The following MAPKAPK2 variants were observed in gnomAD, a reference collection of about 807,000 sequenced individuals.
MAPKAPK2 encodes MAP kinase-activated protein kinase 2.
In MAPKAPK2, 9 loss-of-function variants were observed where a neutral mutation model predicts 48.8. The observed-to-expected ratio is 0.18, with a 90% CI of 0.11 to 0.32. MAPKAPK2 has a LOEUF of 0.32. Ranked by LOEUF, MAPKAPK2 falls within the 10% of genes least tolerant of loss-of-function variation. The probability of loss-of-function intolerance (pLI) is 1.00; values close to 1 mark genes in which losing one functional copy is unlikely to be tolerated. For missense variants in MAPKAPK2, 331 were observed against 498.3 expected, an observed-to-expected ratio of 0.66 and a Z score of 3.20; for synonymous variants, 202 against 190.6, an observed-to-expected ratio of 1.06 and a Z score of -0.49.
intron 1 of MAPKAPK2, among the ~76,000 whole-genome samples, chr1:206,687,491 T>C (rs576269100): frequency 5.3e-5 from 8 of 152,334 alleles, no homozygotes; most frequent in Admixed American, 5.2e-4. Flanking sequence ...GACTCAACTG[T>C]TAAATTGTGG....
intron 1 of MAPKAPK2, among the ~76,000 whole-genome samples, chr1:206,709,380 G>C (rs1553429129): frequency 1.3e-5 from 2 of 152,190 alleles, no homozygotes; most frequent in African/African-American, 4.8e-5. Context: ...CCAGAACTGA[G>C]TTCTCGCTGC....
chr1:206,731,542 C>A lies in MAPKAPK2; in HGVS notation c.893-98C>A. On this transcript the variant is annotated intron_variant, in intron 7 of 9. Transcript: ENST00000367103. The surrounding 1 kb of genome is among the most constrained non-coding windows in gnomAD (Gnocchi z 5.9). ...GCTCCGGCAGCCTGCCTCCATGCAC[C>A]CCCTCTTTGAACCTGGTTTCCCCAT... 8.4e-7 allele frequency: 1 copy of A among 1,186,040 alleles called. No homozygotes were observed. The highest frequency in any genetic ancestry group is 1.7e-5 in the Admixed American group (1 of 58,770). 73.5% of individuals were successfully genotyped at this position (1,186,040 alleles called of 1,614,324 possible).
chr1:206,724,750 C>T (rs916221825), intron 1 of MAPKAPK2, among the ~76,000 whole-genome samples: 1 of 151,972 alleles, frequency 6.6e-6, no homozygotes, highest in Non-Finnish European at 1.5e-5. Context: ...GAAGAAGCAA[C>T]AGAATGAGGG....
rs533518933 is a variant in MAPKAPK2 at position 206,722,386 on chromosome 1, A to C, written c.280-6324A>C. On this transcript the variant is annotated intron_variant, in intron 1 of 9. Transcript: ENST00000367103. ...AAAACAAAAACAAAAACAAAAAAAA[A>C]CAAAGAAACAAAAGAAAACTTTTGA... Among the ~76,000 whole-genome samples the C allele has an allele frequency of 1.4e-4, 21 of 152,274 alleles. No homozygotes were observed. The East Asian group carries it at 1.5e-3, about 11-fold the overall frequency.
At chr1:206,728,490 T>C (rs529049216) in intron 1 of MAPKAPK2, among the ~76,000 whole-genome samples, 2 of 151,446 alleles carry the variant, frequency 1.3e-5, no homozygotes, top group African/African-American at 4.9e-5. Flanking sequence ...CTGATCTCAG[T>C]GTAGCTGTCA....
rs1439740921 is a variant in MAPKAPK2 at position 206,704,871 on chromosome 1, G to A, written c.279+19363G>A. On this transcript the variant is annotated intron_variant, in intron 1 of 9. Transcript: ENST00000367103. The surrounding 1 kb of genome is among the most constrained non-coding windows in gnomAD (Gnocchi z 4.3). ...GAGAGCTATGTTCAGGGAACTGGGT[G>A]AACTTGGAAGAAGGAGCCGCCCGTT... is the stretch of plus-strand genomic sequence containing the variant. Among the ~76,000 whole-genome samples the A allele has an allele frequency of 6.6e-6, 1 of 152,172 alleles. No individual in the cohort carries two copies. The highest frequency in any genetic ancestry group is 1.5e-5 in the Non-Finnish European group (1 of 68,032).
chr1:206,685,128 C>G lies in MAPKAPK2; in HGVS notation c.-102C>G, dbSNP rs1182790844. 9.3e-6 allele frequency: 2 copies of G among 215,386 alleles called. No homozygotes were observed. The highest frequency in any genetic ancestry group is 4.7e-5 in the African/African-American group (2 of 42,348). The allele number at this position is 215,386 out of a possible 1,614,324, so 13.3% of individuals were successfully genotyped here. On this transcript the variant is annotated 5_prime_UTR_variant, in exon 1 of 10. Transcript: ENST00000367103. ...CGGGGAAGCCGGCTCCAGCCCGGAGCGAACTTCGCAGCCCGTCGGGGGGCG... is the reference window on the plus strand; with the variant it reads ...CGGGGAAGCCGGCTCCAGCCCGGAGGGAACTTCGCAGCCCGTCGGGGGGCG...
chr1:206,728,689 A>C (rs1553432169), intron 1 of MAPKAPK2, 21 bp from the exon 2 acceptor site: 2 of 1,610,358 alleles, frequency 1.2e-6, no homozygotes. Flanking sequence ...GCAGTTACTC[A>C]GAAAGCTGTT....
At chr1:206,729,652 G>A (rs1390559201) in intron 4 of MAPKAPK2, among the ~76,000 whole-genome samples, 177 bp downstream of exon 4, 1 of 152,230 alleles carries the variant, frequency 6.6e-6, no homozygotes, top group Non-Finnish European at 1.5e-5. Flanking sequence ...CCTAAACCCA[G>A]TAGTGAAGCA....
intron 1 of MAPKAPK2, among the ~76,000 whole-genome samples, chr1:206,715,888 G>A (rs1553430292): frequency 6.6e-6 from 1 of 151,922 alleles, no homozygotes; most frequent in African/African-American, 2.4e-5. Flanking sequence ...TAGTCATCAA[G>A]CCATCCTCCT....
chr1:206,695,462 T>G (rs2102379226), intron 1 of MAPKAPK2, among the ~76,000 whole-genome samples: 1 of 151,324 alleles, frequency 6.6e-6, no homozygotes, highest in African/African-American at 2.5e-5. Flanking sequence ...TTTTTTTTTT[T>G]TTTTTGGAAC....
intron 1 of MAPKAPK2, among the ~76,000 whole-genome samples, chr1:206,692,926 AC>A (rs1672502880): frequency 6.6e-6 from 1 of 152,142 alleles, no homozygotes; most frequent in Admixed American, 6.5e-5. Flanking sequence ...AGGGAGCTGT[AC>A]TGTTGATGCC....
At chr1:206,694,920 C>T (rs1043478304) in intron 1 of MAPKAPK2, among the ~76,000 whole-genome samples, 6 of 152,214 alleles carry the variant, frequency 3.9e-5, no homozygotes, top group South Asian at 2.1e-4. Context: ...GCCCTGGAAA[C>T]ACTTGCGCTT....
intron 1 of MAPKAPK2, among the ~76,000 whole-genome samples, chr1:206,698,408 C>T (rs1373131423): frequency 6.6e-6 from 1 of 152,194 alleles, no homozygotes; most frequent in East Asian, 1.9e-4. Flanking sequence ...ACCTTCTATA[C>T]CCTTGAGATC....
intron 4 of MAPKAPK2, 94 bp downstream of exon 4, chr1:206,729,569 C>T (rs1673831024): frequency 1.9e-6 from 2 of 1,066,488 alleles, no homozygotes; most frequent in African/African-American, 3.1e-5. Context: ...CACCCTGCGT[C>T]CTTGCTGCCT....
intron 2 of MAPKAPK2, 53 bp downstream of exon 2, chr1:206,728,902 G>A: frequency 6.2e-7 from 1 of 1,612,222 alleles, no homozygotes; most frequent in African/African-American, 1.3e-5. Context: ...TCCTCACTCA[G>A]GCACCTTACC....
chr1:206,697,427 G>T lies in MAPKAPK2; in HGVS notation c.279+11919G>T, dbSNP rs148017271. Among the ~76,000 whole-genome samples, 346 of 152,260 alleles carry T rather than the reference G, an allele frequency of 2.3e-3. 2 individuals carry two copies. The highest frequency in any genetic ancestry group is 8.2e-3 in the African/African-American group (341 of 41,526). ...GCTCACAGTTCTGCAGGCTGTACAA[G>T]GATCATGGCACCAGCATCTGCTTCT... On this transcript the variant is annotated intron_variant, in intron 1 of 9. Transcript: ENST00000367103.
At chr1:206,726,812 A>G (rs1467030989) in intron 1 of MAPKAPK2, among the ~76,000 whole-genome samples, 11 of 152,268 alleles carry the variant, frequency 7.2e-5, no homozygotes, top group African/African-American at 2.7e-4. Context: ...ATCATGGGCC[A>G]TAGCATAAAT....
chr1:206,685,522 C>G lies in MAPKAPK2; in HGVS notation c.279+14C>G. On this transcript the variant is annotated intron_variant, in intron 1 of 9. Coordinates refer to ENST00000367103, the MANE Select transcript of MAPKAPK2 (RefSeq NM_032960.4). The stretch of plus-strand genomic sequence containing the variant: ...TTCGCCCTCAAAGTAGGTCTGGGGC[C>G]CGGGGAGGGGAGGCGGGGCCGGTCC... 6.7e-7 allele frequency: 1 copy of G among 1,498,994 alleles called. No homozygotes were observed. The highest frequency in any genetic ancestry group is 8.9e-7 in the Non-Finnish European group (1 of 1,117,752). The allele number at this position is 1,498,994 out of a possible 1,614,324, so 92.9% of individuals were successfully genotyped here. A position where few individuals can be genotyped will look rare whatever the true frequency, so the allele number is the denominator to read the frequency against.
Sources: allele counts gnomAD v4.1 joint callset (sites outside exome capture counted in the v4.1 genomes callset), GRCh38; gene constraint gnomAD v4.1.1; non-coding constraint Gnocchi (gnomAD v3.1); transcripts MANE v1.5; gene names NCBI Gene and HGNC (gene_info 2026-07-23, HGNC 2026-07-21).